DDX17: variants seen among roughly 807,000 people sequenced by gnomAD.
DDX17 encodes probable ATP-dependent RNA helicase DDX17.
Under a neutral mutation model 80.8 loss-of-function variants are expected in DDX17, and 10 were observed. The observed-to-expected ratio is 0.12, with a 90% confidence interval of 0.08 to 0.21. The LOEUF (loss-of-function observed/expected upper bound fraction) is 0.21, where lower values mean the gene tolerates loss of function less well. DDX17 is among the 10% of genes least tolerant of loss of function. DDX17 has a pLI of 1.00. For synonymous variants in DDX17, 339 were observed against 336.2 expected, an observed-to-expected ratio of 1.01 and a Z score of -0.09; for missense variants, 586 against 957.4, an observed-to-expected ratio of 0.61 and a Z score of 5.12.
chr22:38,502,903 T>C (rs1194304323), intron 1 of DDX17, among the ~76,000 whole-genome samples: 1 of 152,214 alleles, frequency 6.6e-6, no homozygotes, highest in South Asian at 2.1e-4. Context: ...CAAGTAGGTG[T>C]ATTATTCTAC....
At chr22:38,502,987 A>C (rs1308126763) in intron 1 of DDX17, among the ~76,000 whole-genome samples, 3 of 152,190 alleles carry the variant, frequency 2.0e-5, no homozygotes, top group African/African-American at 7.2e-5. Context: ...CTAAATACAT[A>C]CGTAACAAAA....
intron 11 of DDX17, chr22:38,490,660 T>C: frequency 2.9e-6 from 1 of 340,282 alleles, no homozygotes; most frequent in South Asian, 2.4e-5. Context: ...CAGCTGAAAA[T>C]TGCACCCCTG....
intron 9 of DDX17, 118 bp from the exon 10 acceptor site, chr22:38,493,889 G>GACT: frequency 2.5e-6 from 3 of 1,223,040 alleles, no homozygotes; most frequent in Non-Finnish European, 3.6e-6. Context: ...ATGAATAGAT[G>GACT]ACTGTGCTCA....
At chr22:38,498,046 G>A in intron 5 of DDX17, 39 bp downstream of exon 5, 1 of 1,593,800 alleles carries the variant, frequency 6.3e-7, no homozygotes, top group Non-Finnish European at 8.6e-7. Context: ...CTAAATTGTA[G>A]TTTTTCTTAG....
Position 38,501,401 on chromosome 22 carries a change from C to G in DDX17, c.288-121G>C, listed in dbSNP as rs557529779. The G allele has an allele frequency of 8.3e-4, 981 of 1,180,990 alleles. 1 individual carries two copies. The highest frequency in any genetic ancestry group is 3.8e-3 in the Middle Eastern group (19 of 4,938). 73.2% of individuals were successfully genotyped at this position (1,180,990 alleles called of 1,614,324 possible). On this transcript the variant is annotated intron_variant, in intron 1 of 12. Transcript: ENST00000403230. ...ACTACCAGCCTACCTCCAAAAAGACCATTTTATTTGCTGTGATTTAAAGGT... is the reference window on the plus strand; with the variant it reads ...ACTACCAGCCTACCTCCAAAAAGACGATTTTATTTGCTGTGATTTAAAGGT...
rs199687612 is a variant in DDX17, at chr22:38,506,047, C to G, written c.191G>C (p.Ser64Thr). 75 of 1,585,698 alleles carry G rather than the reference C, an allele frequency of 4.7e-5. No individual in the cohort carries two copies. In the African/African-American group the frequency reaches 8.5e-4, roughly 18 times the overall value. The stretch of plus-strand genomic sequence containing the variant: ...TGGGAGCGGGGCACGGATGGCCGGG[C>G]TCGGGAGGGCCTGCGGCTCCGGTCT... Residue 64 changes from serine (S) to threonine (T), a missense_variant, in exon 1 of 13, where the codon AGC becomes ACC. Ser to Thr is a moderately conservative substitution (Grantham distance 58). This residue lies in a region of DDX17 where 215 missense variants were observed against 238.4 expected (regional missense o/e 0.90). Coordinates refer to ENST00000403230, the MANE Select transcript of DDX17 (RefSeq NM_006386.5).
Position 38,506,061 on chromosome 22 carries a change from C to T in DDX17, c.177G>A (p.Pro59=), listed in dbSNP as rs750984048. ...GGATGGCCGGGCTCGGGAGGGCCTGCGGCTCCGGTCTGGTGACGACCGATG... is the reference window on the plus strand; with the variant it reads ...GGATGGCCGGGCTCGGGAGGGCCTGTGGCTCCGGTCTGGTGACGACCGATG... Residue 59 remains proline (P), a synonymous_variant, in exon 1 of 13, where the codon CCG becomes CCA. Coordinates refer to ENST00000403230, the MANE Select transcript of DDX17 (RefSeq NM_006386.5). 3 of 1,584,124 alleles carry T rather than the reference C, an allele frequency of 1.9e-6. No homozygotes were observed. The highest frequency in any genetic ancestry group is 2.6e-6 in the Non-Finnish European group (3 of 1,166,210).
chr22:38,500,194 T>C (rs1250039145), intron 2 of DDX17, among the ~76,000 whole-genome samples: 1 of 141,258 alleles, frequency 7.1e-6, no homozygotes. Flanking sequence ...AAAAAGCCAA[T>C]CTATCTTTTT....
intron 6 of DDX17, 144 bp from the exon 7 acceptor site, chr22:38,495,190 T>A (rs1314446607): frequency 4.3e-6 from 3 of 700,758 alleles, no homozygotes; most frequent in Non-Finnish European, 6.9e-6. Context: ...ACCCCGACTC[T>A]ACAAAAATGC....
At chr22:38,502,037 C>A (rs1197631471) in intron 1 of DDX17, among the ~76,000 whole-genome samples, 1 of 152,220 alleles carries the variant, frequency 6.6e-6, no homozygotes. Flanking sequence ...AGCACTCCAC[C>A]TGTCTGCTTA....
At chr22:38,500,429 TC>T (rs2089816064) in intron 2 of DDX17, among the ~76,000 whole-genome samples, 1 of 149,154 alleles carries the variant, frequency 6.7e-6, no homozygotes, top group South Asian at 2.1e-4. Context: ...GATCACAAGG[TC>T]AGGAGACGGA....
Position 38,484,170 on chromosome 22 carries a change from G to A in DDX17, c.*1765C>T, listed in dbSNP as rs755816148. 2 of 151,428 alleles carry A rather than the reference G, an allele frequency of 1.3e-5. No homozygotes were observed. The highest frequency in any genetic ancestry group is 4.9e-5 in the African/African-American group (2 of 41,036). The allele number at this position is 151,428 out of a possible 1,614,324, so 9.4% of individuals were successfully genotyped here. A position where few individuals can be genotyped will look rare whatever the true frequency, so the allele number is the denominator to read the frequency against. Reference sequence around the variant, plus strand: ...ATTTGGGGTTGGGGGGAACACTTTGGTTTGAAAGCACAGAGCAGTTTGCCA... The same window carrying A: ...ATTTGGGGTTGGGGGGAACACTTTGATTTGAAAGCACAGAGCAGTTTGCCA... On this transcript the variant is annotated 3_prime_UTR_variant, in exon 13 of 13. Coordinates refer to ENST00000403230, the MANE Select transcript of DDX17 (RefSeq NM_006386.5).
rs369929666 is a variant in DDX17 at position 38,506,196 on chromosome 22, G to A, written c.42C>T (p.Leu14=). 6.9e-5 allele frequency: 111 copies of A among 1,606,310 alleles called. No homozygotes were observed. The highest frequency in any genetic ancestry group is 8.8e-5 in the Non-Finnish European group (104 of 1,177,028). ...TCGCCGCCTCTCTCGTCGGAGACGG[G>A]AGCAAAACACAGAGAATCGGGGCTA... is the stretch of plus-strand genomic sequence containing the variant. The change falls in exon 1 of 13, where the codon CTC becomes CTT. Residue 14 remains leucine, a synonymous_variant. Transcript: ENST00000403230.
At position 38,494,669 on chromosome 22, in the gene DDX17, T is replaced by C; in HGVS notation, c.1175A>G (p.Gln392Arg). ...ACTTTCCATGCAGACATCCACTATC[T>C]GGAGGATGTTGTGGTTGGCACTCAA... The change falls in exon 8 of 13, where the codon CAG (glutamine) becomes CGG (arginine). Residue 392 changes from glutamine (Q) to arginine (R), a missense_variant. Coordinates refer to ENST00000403230, the MANE Select transcript of DDX17 (RefSeq NM_006386.5). The C allele has an allele frequency of 6.2e-7, 1 of 1,614,240 alleles. No homozygotes were observed. Among genetic ancestry groups the C allele is most frequent in the Non-Finnish European group, 8.5e-7 (1 of 1,180,036 alleles).
intron 2 of DDX17, among the ~76,000 whole-genome samples, chr22:38,500,225 T>C (rs1364980500): frequency 2.0e-5 from 3 of 148,744 alleles, no homozygotes; most frequent in Non-Finnish European, 4.5e-5. Context: ...TGAAAAAACA[T>C]GACCTAATAT....
chr22:38,504,434 C>T (rs563334161), intron 1 of DDX17, among the ~76,000 whole-genome samples: 2 of 152,124 alleles, frequency 1.3e-5, no homozygotes, highest in Non-Finnish European at 2.9e-5. Context: ...CTAGGCATTA[C>T]AGTCTAGGGT....
At position 38,489,343 on chromosome 22, in the gene DDX17, C is replaced by A; in HGVS notation, c.1448-1228G>T. The A allele has an allele frequency of 1.0e-6, 1 of 985,708 alleles. No individual in the cohort carries two copies. The highest frequency in any genetic ancestry group is 1.2e-6 in the Non-Finnish European group (1 of 829,922). The allele number at this position is 985,708 out of a possible 1,614,324, so 61.1% of individuals were successfully genotyped here. A position where few individuals can be genotyped will look rare whatever the true frequency, so the allele number is the denominator to read the frequency against. ...GCCTTCTGACACGGGACCACTGGAG[C>A]GCGGGGAGCATGCATCAAGGGTCCG... On this transcript the variant is annotated intron_variant, in intron 11 of 12. Coordinates refer to ENST00000403230, the MANE Select transcript of DDX17 (RefSeq NM_006386.5). This position sits in a 1 kb window ranked among gnomAD's most constrained non-coding sequence, Gnocchi z 4.6.
chr22:38,495,979 TAAAAAAAA>T (rs201173235), intron 5 of DDX17, 42 bp from the exon 6 acceptor site: 18 of 803,922 alleles, frequency 2.2e-5, no homozygotes, highest in African/African-American at 1.1e-4. Flanking sequence ...ATCCAAGGTT[TAAAAAAAA>T]AAAAAAAAAA....
intron 1 of DDX17, among the ~76,000 whole-genome samples, chr22:38,503,679 T>C (rs946234128): frequency 6.6e-5 from 10 of 152,238 alleles, no homozygotes; most frequent in African/African-American, 2.4e-4. Context: ...GGTCAGTAAT[T>C]AGTTTAATTT....
Sources: allele counts gnomAD v4.1 joint callset (sites outside exome capture counted in the v4.1 genomes callset), GRCh38; gene constraint gnomAD v4.1.1; regional missense constraint gnomAD v4.1.1; non-coding constraint Gnocchi (gnomAD v3.1); transcripts MANE v1.5; gene names NCBI Gene and HGNC (gene_info 2026-07-23, HGNC 2026-07-21).